LARP1: variants seen among roughly 807,000 people sequenced by gnomAD.
The protein encoded by LARP1 is La ribonucleoprotein 1, translational regulator, also known as la-related protein 1.
In LARP1, 36 loss-of-function variants were observed where a neutral mutation model predicts 122.7. The ratio of observed to expected loss-of-function variants is 0.29; its 90% CI spans 0.22 to 0.39. LARP1 has a LOEUF of 0.39. Among genes scored for constraint, LARP1 ranks in the 10% least tolerant of loss-of-function variants. LARP1 has a pLI of 1.00. For missense variants in LARP1, 1,040 were observed against 1,403.6 expected (o/e 0.74, Z 4.14); for synonymous variants, 539 against 528.7 (o/e 1.02, Z -0.27).
intron 1 of LARP1, among the ~76,000 whole-genome samples, chr5:154,736,414 A>G (rs1400532148): frequency 1.3e-5 from 2 of 151,078 alleles, no homozygotes; most frequent in African/African-American, 2.4e-5. Context: ...AATTTTTTGT[A>G]GAAATGGGGT....
At position 154,703,313 on chromosome 5, in the gene LARP1, G is replaced by C. The variant is rs148307573; in HGVS notation, c.-180+20276G>C. 2.6e-3 allele frequency among the ~76,000 whole-genome samples: 403 copies of C among 152,218 alleles called. 2 individuals are homozygous for C. The highest frequency in any genetic ancestry group is 9.1e-3 in the African/African-American group (379 of 41,534). Reference sequence around the variant, plus strand: ...AGCATCTTGAAATAAAGGACCTTATGCCAGTTGCCTTTGGCCTGGGAATGG... The same window carrying C: ...AGCATCTTGAAATAAAGGACCTTATCCCAGTTGCCTTTGGCCTGGGAATGG... On this transcript the variant is annotated intron_variant, in intron 1 of 18. Coordinates refer to the LARP1 transcript ENST00000687700.
At chr5:154,773,617 A>G (rs1339980027) in intron 1 of LARP1, among the ~76,000 whole-genome samples, 1 of 152,196 alleles carries the variant, frequency 6.6e-6, no homozygotes, top group Non-Finnish European at 1.5e-5. Context: ...GATATTTAAA[A>G]CACAAGCACC....
In LARP1 at chr5:154,693,440, A is replaced by ACATTTTT. The variant is rs557679313; in HGVS notation, c.-180+10407_-180+10408insTTTCATT. Reference sequence around the variant, plus strand: ...GAATTCTCATTGGTTTACAGAAATAACATTGGTTCGTGATTGGCCTGGCAA... The same window carrying ACATTTTT: ...GAATTCTCATTGGTTTACAGAAATAACATTTTTCATTGGTTCGTGATTGGCCTGGCAA... On this transcript the variant is annotated intron_variant, in intron 1 of 18. Coordinates refer to the LARP1 transcript ENST00000687700. 2.3e-4 allele frequency among the ~76,000 whole-genome samples: 35 copies of ACATTTTT among 152,296 alleles called. No individual in the cohort carries two copies. In the South Asian group the frequency reaches 7.0e-3, roughly 31 times the overall value.
chr5:154,800,078 A>G (rs766428267), intron 10 of LARP1, 36 bp downstream of exon 10: 16 of 1,598,040 alleles, frequency 1.0e-5, no homozygotes, highest in Non-Finnish European at 1.4e-5. Flanking sequence ...TGGTTCTAGC[A>G]CTCTGAGCTA....
upstream of LARP1, among the ~76,000 whole-genome samples, chr5:154,753,952 A>C (rs1753643440): frequency 6.6e-6 from 1 of 152,334 alleles, no homozygotes; most frequent in South Asian, 2.1e-4. Context: ...CTGTTATGTT[A>C]TGTGAGCACG....
At chr5:154,690,530 C>T (rs981534894) in intron 1 of LARP1, among the ~76,000 whole-genome samples, 2 of 152,228 alleles carry the variant, frequency 1.3e-5, no homozygotes, top group African/African-American at 4.8e-5. Context: ...AAGTGACCAT[C>T]TCAGGGTCGC....
upstream of LARP1, among the ~76,000 whole-genome samples, chr5:154,752,844 CAGA>C (rs1477016022): frequency 6.6e-6 from 1 of 151,706 alleles, no homozygotes; most frequent in African/African-American, 2.4e-5. Context: ...GAGGCTGAGG[CAGA>C]AGAATTGCTT....
chr5:154,737,200 C>T (rs113083572), intron 1 of LARP1, among the ~76,000 whole-genome samples: 4 of 151,808 alleles, frequency 2.6e-5, no homozygotes, highest in Non-Finnish European at 4.4e-5. Context: ...ACCACCACAC[C>T]GTGCTAATTT....
At chr5:154,761,083 A>T (rs1449954212) in intron 1 of LARP1, among the ~76,000 whole-genome samples, 2 of 152,260 alleles carry the variant, frequency 1.3e-5, no homozygotes, top group Non-Finnish European at 2.9e-5. Flanking sequence ...CCAAAAGGCC[A>T]AGAAGCAATA....
intron 8 of LARP1, among the ~76,000 whole-genome samples, chr5:154,795,913 A>ATTATATATTTATATTTATATATTATATAT (rs1757730085): frequency 8.2e-6 from 1 of 121,572 alleles, no homozygotes; most frequent in South Asian, 2.3e-4. Flanking sequence ...TTATATATTT[A>ATTATATATTTATATTTATATATTATATAT]TTATATATTT....
chr5:154,790,854 T>A, intron 3 of LARP1, 144 bp downstream of exon 3: 1 of 771,920 alleles, frequency 1.3e-6, no homozygotes, highest in South Asian at 1.8e-5. Context: ...TTTCACTCTT[T>A]TTGCCCAGGT....
intron 1 of LARP1, among the ~76,000 whole-genome samples, chr5:154,697,202 C>CTTTT (rs11399407): frequency 2.1e-5 from 3 of 141,588 alleles, no homozygotes; most frequent in Non-Finnish European, 3.1e-5. Context: ...AGCTTTTTAT[C>CTTTT]TTTTTTTTTT....
At chr5:154,775,975 G>T (rs1008890423) in intron 1 of LARP1, among the ~76,000 whole-genome samples, 3 of 152,166 alleles carry the variant, frequency 2.0e-5, no homozygotes, top group Non-Finnish European at 2.9e-5. Context: ...TGAGGTAAAT[G>T]CCTAGTAAGT....
At chr5:154,703,005 C>G (rs1754787515) in intron 1 of LARP1, among the ~76,000 whole-genome samples, 2 of 151,576 alleles carry the variant, frequency 1.3e-5, no homozygotes, top group Non-Finnish European at 2.9e-5. Context: ...CCTGCAGTCC[C>G]AGCTACTCAG....
intron 1 of LARP1, among the ~76,000 whole-genome samples, chr5:154,746,073 C>G (rs532749979): frequency 6.6e-6 from 1 of 152,354 alleles, no homozygotes; most frequent in South Asian, 2.1e-4. Flanking sequence ...GCCTGGATTA[C>G]AGGCGTGAGC....
intron 1 of LARP1, among the ~76,000 whole-genome samples, chr5:154,789,023 C>A (rs1023879239): frequency 6.6e-6 from 1 of 151,684 alleles, no homozygotes; most frequent in South Asian, 2.1e-4. Context: ...ACCAGCCTGG[C>A]CAACATGGTG....
Position 154,803,832 on chromosome 5 carries a change from G to A in LARP1, c.2439+87G>A, listed in dbSNP as rs1160098899. The A allele has an allele frequency of 6.7e-6, 9 of 1,349,332 alleles. No homozygotes were observed. Among genetic ancestry groups the A allele is most frequent in the Middle Eastern group, 1.8e-4 (1 of 5,438 alleles). 83.6% of individuals were successfully genotyped at this position (1,349,332 alleles called of 1,614,324 possible). On this transcript the variant is annotated intron_variant, in intron 13 of 18. Coordinates refer to ENST00000518297, the MANE Select transcript of LARP1 (RefSeq NM_033551.3). This position sits in a 1 kb window ranked among gnomAD's most constrained non-coding sequence, Gnocchi z 4.4. The stretch of plus-strand genomic sequence containing the variant: ...TGCTTCTCTCCCTTGCCTTGTCTGA[G>A]CTAAGGAAGTGCTAAATCCTTCACC...
intron 1 of LARP1, among the ~76,000 whole-genome samples, chr5:154,700,321 A>C (rs1754652804): frequency 6.6e-6 from 1 of 152,114 alleles, no homozygotes; most frequent in Admixed American, 6.6e-5. Context: ...GCCTTTATTT[A>C]AAATTTGGGT....
chr5:154,795,407 G>C (rs568006111), intron 8 of LARP1, 88 bp downstream of exon 8: 1 of 1,380,232 alleles, frequency 7.2e-7, no homozygotes, highest in East Asian at 2.3e-5. Flanking sequence ...AGCCCTGGAA[G>C]AGTCATCATC....
Sources: gnomAD v4.1 joint callset for allele counts (sites outside exome capture counted in the v4.1 genomes callset) on GRCh38, gnomAD v4.1.1 for gene constraint, Gnocchi (gnomAD v3.1) non-coding constraint, MANE v1.5 for transcripts, NCBI Gene and HGNC (gene_info 2026-07-23, HGNC 2026-07-21) for gene names.